RIN3: variants seen among roughly 807,000 people sequenced by gnomAD.
RIN3 encodes the protein Ras and Rab interactor 3, also known as RAB5 interacting protein 3.
RIN3 carries 54 observed loss-of-function variants against 76.3 expected under a neutral mutation model. The ratio of observed to expected loss-of-function variants is 0.71; its 90% CI spans 0.57 to 0.89. The LOEUF is 0.89. Among genes scored for constraint, RIN3 ranks in the 40% least tolerant of loss-of-function variants. The pLI is 0.00. For synonymous variants in RIN3, 576 were observed against 564.0 expected (o/e 1.02, Z -0.30); for missense variants, 1,256 against 1,322.1 (o/e 0.95, Z 0.78).
At chr14:92,529,253 C>CTT (rs869262910) in intron 1 of RIN3, among the ~76,000 whole-genome samples, 1 of 143,126 alleles carries the variant, frequency 7.0e-6, no homozygotes. Flanking sequence ...CTTTTTTTTT[C>CTT]TTTTTTTTTT....
intron 4 of RIN3, among the ~76,000 whole-genome samples, chr14:92,633,880 TTTGTA>T (rs1886679147): frequency 6.7e-6 from 1 of 149,882 alleles, no homozygotes; most frequent in African/African-American, 2.5e-5. Context: ...TGTGTGTGTG[TTTGTA>T]TGTGTGTGTG....
intron 4 of RIN3, 73 bp downstream of exon 4, chr14:92,615,552 G>C: frequency 7.6e-7 from 1 of 1,320,028 alleles, no homozygotes; most frequent in South Asian, 1.2e-5. Flanking sequence ...GTGGGTGCAG[G>C]GGACTTCACA....
At chr14:92,582,442 C>CTTTTTTTT in intron 3 of RIN3, among the ~76,000 whole-genome samples, 1 of 117,566 alleles carries the variant, frequency 8.5e-6, no homozygotes, top group Non-Finnish European at 1.7e-5. Flanking sequence ...TCCTTTTTTA[C>CTTTTTTTT]TTTTTTTTTT....
intron 2 of RIN3, among the ~76,000 whole-genome samples, chr14:92,559,314 A>G (rs1897695884): frequency 6.6e-6 from 1 of 152,242 alleles, no homozygotes; most frequent in Non-Finnish European, 1.5e-5. Context: ...AGCCACACCT[A>G]CCACTAGAGT....
At chr14:92,661,749 ACACAC>A (rs1566893428) in intron 7 of RIN3, among the ~76,000 whole-genome samples, 19 of 140,096 alleles carry the variant, frequency 1.4e-4, no homozygotes, top group Non-Finnish European at 2.5e-4. Flanking sequence ...ACACACACAC[ACACAC>A]ACACAAAAAA....
intron 6 of RIN3, 107 bp downstream of exon 6, chr14:92,653,182 C>T: frequency 1.7e-6 from 2 of 1,201,534 alleles, no homozygotes; most frequent in Non-Finnish European, 2.3e-6. Flanking sequence ...TGTTGGTGCC[C>T]ACCCCCTATC....
intron 3 of RIN3, among the ~76,000 whole-genome samples, chr14:92,583,394 C>G (rs12589396): frequency 0.37 from 55,710 of 152,158 alleles, 11,852 homozygotes; most frequent in East Asian, 0.51. Flanking sequence ...CTCTCTGAAG[C>G]AGTCAGCTTG....
chr14:92,664,453 C>T (rs1434762874), intron 7 of RIN3, among the ~76,000 whole-genome samples: 7 of 149,980 alleles, frequency 4.7e-5, no homozygotes, highest in African/African-American at 1.2e-4. Context: ...CTGCAAACTC[C>T]GCCTCCCGGG....
At chr14:92,666,766 G>A (rs753876438) in intron 7 of RIN3, among the ~76,000 whole-genome samples, 2 of 152,206 alleles carry the variant, frequency 1.3e-5, no homozygotes, top group Non-Finnish European at 2.9e-5. Context: ...GATGGGAGGG[G>A]GAGAAAGACG....
intron 2 of RIN3, among the ~76,000 whole-genome samples, chr14:92,565,315 G>A (rs1316284792): frequency 6.6e-6 from 1 of 152,172 alleles, no homozygotes; most frequent in Non-Finnish European, 1.5e-5. Context: ...GGTAGAGGGG[G>A]TCTGGGGAAG....
chr14:92,600,658 G>A (rs1566861845), intron 3 of RIN3, among the ~76,000 whole-genome samples: 2 of 152,274 alleles, frequency 1.3e-5, no homozygotes, highest in East Asian at 1.9e-4. Context: ...TGTGTGCCAG[G>A]CAGCACACTA....
chr14:92,604,335 C>G (rs1004891651), intron 3 of RIN3, among the ~76,000 whole-genome samples: 1 of 152,214 alleles, frequency 6.6e-6, no homozygotes, highest in African/African-American at 2.4e-5. Flanking sequence ...GGACCCAGCT[C>G]AAAGATGTAG....
Position 92,659,258 on chromosome 14 carries a change from G to T in RIN3, c.2124G>T (p.Ser708=). The T allele has an allele frequency of 6.2e-7, 1 of 1,614,160 alleles. No individual in the cohort carries two copies. The highest frequency in any genetic ancestry group is 2.2e-5 in the East Asian group (1 of 44,882). The part of the protein sequence containing the change: ...CLHQIHSKDG[S]LQQLKENQLV... The stretch of plus-strand genomic sequence containing the variant: ...ATCAGATCCACAGCAAGGATGGTTC[G>T]CTGCAGCAGCTCAAGGAGAACCAGT... The change falls in exon 7 of 10, where the codon TCG becomes TCT. Residue 708 remains serine, a synonymous_variant. Transcript: ENST00000216487.
intron 5 of RIN3, chr14:92,645,181 C>T (rs1887154827): frequency 6.6e-6 from 1 of 152,228 alleles, no homozygotes; most frequent in African/African-American, 2.4e-5. Context: ...CCCACCTGAC[C>T]ACTGTTCTTC....
chr14:92,602,945 C>G (rs902005117), intron 3 of RIN3, among the ~76,000 whole-genome samples: 2 of 152,222 alleles, frequency 1.3e-5, no homozygotes, highest in African/African-American at 4.8e-5. Flanking sequence ...GGGCTGCAAC[C>G]TGGGGCATTT....
At chr14:92,595,176 A>G (rs1171067397) in intron 3 of RIN3, among the ~76,000 whole-genome samples, 1 of 152,204 alleles carries the variant, frequency 6.6e-6, no homozygotes, top group Non-Finnish European at 1.5e-5. Flanking sequence ...GTCAATTGCA[A>G]CACAGTGTAA....
At chr14:92,632,832 G>A (rs1292777265) in intron 4 of RIN3, among the ~76,000 whole-genome samples, 1 of 152,260 alleles carries the variant, frequency 6.6e-6, no homozygotes, top group African/African-American at 2.4e-5. Context: ...ACGCCTGGCA[G>A]TGGGAAAGCT....
At chr14:92,641,477 A>G in intron 5 of RIN3, 148 bp downstream of exon 5, 1 of 635,114 alleles carries the variant, frequency 1.6e-6, no homozygotes, top group South Asian at 1.9e-5. Context: ...CTGCTGAGCC[A>G]CGTGATAGAG....
intron 4 of RIN3, among the ~76,000 whole-genome samples, chr14:92,634,856 TAAA>T (rs11383121): frequency 7.7e-6 from 1 of 130,290 alleles, no homozygotes; most frequent in African/African-American, 2.8e-5. Flanking sequence ...AGACTCTATC[TAAA>T]AAAAAAAAAA....
Sources: gnomAD v4.1 joint callset for allele counts (sites outside exome capture counted in the v4.1 genomes callset) on GRCh38, gnomAD v4.1.1 for gene constraint, MANE v1.5 for transcripts, NCBI Gene and HGNC (gene_info 2026-07-23, HGNC 2026-07-21) for gene names.